RSRP1: variants seen among roughly 807,000 people sequenced by gnomAD.
RSRP1 encodes arginine/serine-rich protein 1.
A neutral mutation model predicts 33.0 loss-of-function variants in RSRP1; 37 were observed. The observed-to-expected ratio is 1.12, with a 90% CI of 0.86 to 1.48. The LOEUF (loss-of-function observed/expected upper bound fraction) is 1.48, where lower values mean the gene tolerates loss of function less well. Ranked by LOEUF, RSRP1 falls within the 40% of genes most tolerant of loss-of-function variation. The probability of loss-of-function intolerance (pLI) is 0.00; values close to 1 mark genes in which losing one functional copy is unlikely to be tolerated. For synonymous variants in RSRP1, 167 were observed against 158.7 expected, an observed-to-expected ratio of 1.05 and a Z score of -0.40; for missense variants, 402 against 385.3, an observed-to-expected ratio of 1.04 and a Z score of -0.36.
chr1:25,242,984 GGAGGCT>G (rs1638989451), intron 4 of RSRP1, among the ~76,000 whole-genome samples: 1 of 152,096 alleles, frequency 6.6e-6, no homozygotes, highest in Non-Finnish European at 1.5e-5. Flanking sequence ...CAGCTACTCG[GGAGGCT>G]GAGGCAGGAG....
At chr1:25,248,803 T>TC (rs1229194730), upstream of RSRP1, among the ~76,000 whole-genome samples, 5 of 152,144 alleles carry the variant, frequency 3.3e-5, no homozygotes, top group Non-Finnish European at 7.4e-5. Flanking sequence ...ACAATGCCCA[T>TC]CCATCAGAAA....
At chr1:25,246,224 A>C (rs1639375650) in intron 2 of RSRP1, among the ~76,000 whole-genome samples, 1 of 152,226 alleles carries the variant, frequency 6.6e-6, no homozygotes, top group Non-Finnish European at 1.5e-5. Flanking sequence ...TAGGAAAAAA[A>C]GTTCCCTACA....
In RSRP1 at chr1:25,270,314, G is replaced by T. The variant is rs1217920146; in HGVS notation, c.-66-23285C>A. Among the ~76,000 whole-genome samples, 2 of 129,290 alleles carry T rather than the reference G, an allele frequency of 1.5e-5. 1 individual carries two copies. The highest frequency in any genetic ancestry group is 4.7e-4 in the South Asian group (2 of 4,256). The allele number at this position is 129,290 out of a possible 152,430, so 84.8% of individuals were successfully genotyped here. On this transcript the variant is annotated intron_variant, in intron 1 of 1. Transcript: ENST00000561867. ...GACTTAGAAGTAATCTAGGCTGGGG[G>T]TCCCCAACCCCCAGGCTGTGGCCCG...
Position 25,282,447 on chromosome 1 carries a change from C to A in RSRP1, c.-66-35418G>T, listed in dbSNP as rs532012683. Among the ~76,000 whole-genome samples the A allele has an allele frequency of 2.5e-4, 33 of 131,250 alleles. 2 individuals are homozygous for A. In the East Asian group the frequency reaches 5.7e-3, roughly 23 times the overall value. The allele number at this position is 131,250 out of a possible 152,430, so 86.1% of individuals were successfully genotyped here. On this transcript the variant is annotated intron_variant, in intron 1 of 1. Coordinates refer to the RSRP1 transcript ENST00000561867. ...ACGGGGTTTCACCATGTTGGCCAGG[C>A]TAGTCTCGAACTGCTGACTTCATGA...
chr1:25,324,540 A>G (rs1212631481), intron 1 of RSRP1, among the ~76,000 whole-genome samples: 1 of 152,072 alleles, frequency 6.6e-6, no homozygotes, highest in Non-Finnish European at 1.5e-5. Flanking sequence ...GGGTTATTTT[A>G]AAGATCAAGT....
At chr1:25,312,946 A>C (rs983807753) in intron 1 of RSRP1, among the ~76,000 whole-genome samples, 2 of 109,510 alleles carry the variant, frequency 1.8e-5, no homozygotes, top group East Asian at 2.1e-4. Flanking sequence ...AAAAAAAAAA[A>C]AAAAAAAAAC....
intron 1 of RSRP1, chr1:25,272,770 G>C (rs1156658061): frequency 1.5e-6 from 2 of 1,349,038 alleles, no homozygotes; most frequent in Non-Finnish European, 2.1e-6. Flanking sequence ...TGGTTCTCCA[G>C]GGGCACAGAT....
intron 1 of RSRP1, among the ~76,000 whole-genome samples, chr1:25,261,406 C>CTT (rs561224552): frequency 4.3e-5 from 6 of 140,878 alleles, no homozygotes; most frequent in African/African-American, 7.7e-5. Flanking sequence ...TGATTTCTTT[C>CTT]TTTTTTTTTT....
At position 25,313,334 on chromosome 1, in the gene RSRP1, T is replaced by G. The variant is rs1349986205; in HGVS notation, c.-67+24644A>C. On this transcript the variant is annotated intron_variant, in intron 1 of 1. Coordinates refer to the RSRP1 transcript ENST00000561867. ...GAACCATGAGCTATATATACTTATT[T>G]TACAAATTACCCATTCTGTGGTATT... 3.8e-5 allele frequency among the ~76,000 whole-genome samples: 5 copies of G among 132,720 alleles called. 2 individuals carry two copies. The highest frequency in any genetic ancestry group is 2.3e-4 in the South Asian group (1 of 4,376). The allele number at this position is 132,720 out of a possible 152,430, so 87.1% of individuals were successfully genotyped here.
intron 1 of RSRP1, chr1:25,306,532 A>G: frequency 7.5e-7 from 1 of 1,337,076 alleles, no homozygotes; most frequent in South Asian, 1.2e-5. Flanking sequence ...AGGGTGTGTG[A>G]AAGGGGTGGG....
chr1:25,291,863 C>G (rs569152013), intron 1 of RSRP1, among the ~76,000 whole-genome samples: 1 of 132,806 alleles, frequency 7.5e-6, no homozygotes, highest in Admixed American at 7.3e-5. Flanking sequence ...ACATAGCCAA[C>G]CTTCCCATCT....
At chr1:25,269,007 A>G (rs1640414326) in intron 1 of RSRP1, among the ~76,000 whole-genome samples, 1 of 128,864 alleles carries the variant, frequency 7.8e-6, no homozygotes, top group Non-Finnish European at 1.8e-5. Context: ...GGGATGGTGG[A>G]GGATCCAGGG....
rs552597571 is a variant in RSRP1, at chr1:25,311,389, G to T, written c.-67+26589C>A. 3.0e-5 allele frequency among the ~76,000 whole-genome samples: 4 copies of T among 131,248 alleles called. 2 individuals are homozygous for T. Among genetic ancestry groups the T allele is most frequent in the Admixed American group, 3.0e-4 (4 of 13,516 alleles). The allele number at this position is 131,248 out of a possible 152,430, so 86.1% of individuals were successfully genotyped here. A position where few individuals can be genotyped will look rare whatever the true frequency, so the allele number is the denominator to read the frequency against. ...AGTACACATAAATTAGCCAGGCGTG[G>T]TGGTGGGCGCCTGTATTCCCAGCTA... On this transcript the variant is annotated intron_variant, in intron 1 of 1. Coordinates refer to the RSRP1 transcript ENST00000561867.
intron 2 of RSRP1, among the ~76,000 whole-genome samples, chr1:25,246,241 G>A (rs751456258): frequency 2.0e-5 from 3 of 152,174 alleles, no homozygotes; most frequent in Non-Finnish European, 4.4e-5. Flanking sequence ...TACATCCTGA[G>A]CCATTTAACA....
chr1:25,261,595 G>A (rs1480684067), intron 1 of RSRP1, among the ~76,000 whole-genome samples: 4 of 151,518 alleles, frequency 2.6e-5, no homozygotes, highest in African/African-American at 4.9e-5. Flanking sequence ...TAGTAGAGAC[G>A]GGGTTTCACC....
chr1:25,329,562 A>T (rs113683142), intron 1 of RSRP1: 3,619 of 165,382 alleles, frequency 0.022, 564 homozygotes, highest in African/African-American at 0.087. Context: ...TTTTTAACAG[A>T]TAACAGTGTG....
rs1474804376 is a variant in RSRP1 at position 25,246,758 on chromosome 1, C to A, written c.206G>T (p.Arg69Leu). ...GTAGCGCCTGTACTTCCGCTGGTGG[C>A]GCCTTCGGGAACGGGACCTGGACTT... ...RSKSRSRSRRRHQRKYRRYSR... is the reference protein window; with the variant it reads ...RSKSRSRSRRLHQRKYRRYSR... Residue 69 changes from arginine to leucine, a missense_variant, in exon 2 of 5, where the codon CGC becomes CTC. Physicochemically the swap from Arg to Leu is moderately radical, Grantham distance 102. Coordinates refer to ENST00000243189, the MANE Select transcript of RSRP1 (RefSeq NM_020317.5). 6.2e-7 allele frequency: 1 copy of A among 1,608,828 alleles called. No individual in the cohort carries two copies. The highest frequency in any genetic ancestry group is 8.5e-7 in the Non-Finnish European group (1 of 1,176,150).
rs1328382096 is a variant in RSRP1 at position 25,323,505 on chromosome 1, C to T, written c.-67+14473G>A. ...ACAGGGTCTCACTCCGCCACCCACA[C>T]CGTAATGCAGTGGCACCATCATGGC... On this transcript the variant is annotated intron_variant, in intron 1 of 1. Coordinates refer to the RSRP1 transcript ENST00000561867. Among the ~76,000 whole-genome samples, 4 of 126,410 alleles carry T rather than the reference C, an allele frequency of 3.2e-5. 1 individual carries two copies. The highest frequency in any genetic ancestry group is 1.6e-4 in the Admixed American group (2 of 12,508). The allele number at this position is 126,410 out of a possible 152,430, so 82.9% of individuals were successfully genotyped here. A position where few individuals can be genotyped will look rare whatever the true frequency, so the allele number is the denominator to read the frequency against.
At position 25,313,818 on chromosome 1, in the gene RSRP1, T is replaced by C. The variant is rs1557558100; in HGVS notation, c.-67+24160A>G. On this transcript the variant is annotated intron_variant, in intron 1 of 1. Transcript: ENST00000561867. ...AGGGGTTTATAATATGAGTTTCCTATGCCTGAGAAAGCTGACTTGCAAGAA... is the reference window on the plus strand; with the variant it reads ...AGGGGTTTATAATATGAGTTTCCTACGCCTGAGAAAGCTGACTTGCAAGAA... Among the ~76,000 whole-genome samples the C allele has an allele frequency of 2.3e-5, 3 of 132,898 alleles. 1 individual carries two copies. The highest frequency in any genetic ancestry group is 5.3e-5 in the Non-Finnish European group (3 of 56,100). 87.2% of individuals were successfully genotyped at this position (132,898 alleles called of 152,430 possible).
Sources: gnomAD v4.1 joint callset for allele counts (sites outside exome capture counted in the v4.1 genomes callset) on GRCh38, gnomAD v4.1.1 for gene constraint, MANE v1.5 for transcripts, NCBI Gene and HGNC (gene_info 2026-07-23, HGNC 2026-07-21) for gene names.